The following MYLK variants were observed in gnomAD, a reference collection of about 807,000 sequenced individuals.
MYLK encodes myosin light chain kinase, smooth muscle.
Under a neutral mutation model 203.4 loss-of-function variants are expected in MYLK, and 106 were observed. The ratio of observed to expected loss-of-function variants is 0.52; its 90% CI spans 0.45 to 0.61. The LOEUF is 0.61. Among genes scored for constraint, MYLK ranks in the 20% least tolerant of loss-of-function variants. The pLI, the probability that MYLK is intolerant of heterozygous loss-of-function variation, is 0.00. For missense variants in MYLK, 2,072 were observed against 2,442.3 expected, an observed-to-expected ratio of 0.85 and a Z score of 3.20; for synonymous variants, 867 against 959.5, an observed-to-expected ratio of 0.90 and a Z score of 1.78.
chr3:123,880,761 G>A (rs556518271), intron 1 of MYLK, among the ~76,000 whole-genome samples: 1 of 152,302 alleles, frequency 6.6e-6, no homozygotes, highest in African/African-American at 2.4e-5. Flanking sequence ...AAAAGAAGGT[G>A]GTGGGAGCAT....
Position 123,707,954 on chromosome 3 carries a change from C to T in MYLK, c.2190G>A (p.Val730=), listed in dbSNP as rs768928026. The T allele has an allele frequency of 6.2e-7, 1 of 1,614,132 alleles. No individual in the cohort carries two copies. The highest frequency in any genetic ancestry group is 8.5e-7 in the Non-Finnish European group (1 of 1,180,036). Reference sequence around the variant, plus strand: ...GGACACTCTGGCCCAGGGAGGCTGTCACTGAGCGAGGCTTACTGATGAACC... The same window carrying T: ...GGACACTCTGGCCCAGGGAGGCTGTTACTGAGCGAGGCTTACTGATGAACC... ...QPWFISKPRS[V]TASLGQSVLI... is the part of the protein sequence containing the mutation. The change falls in exon 16 of 34, where the codon GTG becomes GTA. Residue 730 remains valine (V), a synonymous_variant. Transcript: ENST00000360304.
chr3:123,634,262 G>A (rs1207407324), intron 29 of MYLK, among the ~76,000 whole-genome samples: 1 of 152,188 alleles, frequency 6.6e-6, no homozygotes. Context: ...AGGGAACAGG[G>A]ATCCTAGGGC....
At chr3:123,621,885 T>C (rs975168419) in intron 31 of MYLK, 2 of 152,300 alleles carry the variant, frequency 1.3e-5, no homozygotes, top group African/African-American at 4.8e-5. Context: ...GGGAAGATGG[T>C]GAGAGATGAA....
At chr3:123,774,207 T>G (rs977347891) in intron 4 of MYLK, among the ~76,000 whole-genome samples, 1 of 152,224 alleles carries the variant, frequency 6.6e-6, no homozygotes, top group African/African-American at 2.4e-5. Flanking sequence ...TTAAGTAATA[T>G]TCTCTTAACT....
chr3:123,709,503 A>G, intron 14 of MYLK: 1 of 502,254 alleles, frequency 2.0e-6, no homozygotes, highest in South Asian at 2.0e-5. Flanking sequence ...TATATTTTCA[A>G]ATTAATCTTT....
intron 18 of MYLK, among the ~76,000 whole-genome samples, chr3:123,698,297 G>T (rs2061017592): frequency 6.6e-6 from 1 of 152,218 alleles, no homozygotes; most frequent in Non-Finnish European, 1.5e-5. Flanking sequence ...TATTAAGAAT[G>T]ATGCGAACTG....
chr3:123,796,341 T>TAG, intron 3 of MYLK, among the ~76,000 whole-genome samples: 1 of 152,126 alleles, frequency 6.6e-6, no homozygotes, highest in East Asian at 1.9e-4. Flanking sequence ...GAACAGGCAT[T>TAG]TGAACCCAAG....
chr3:123,812,004 C>T (rs963241611), intron 3 of MYLK, among the ~76,000 whole-genome samples: 1 of 152,154 alleles, frequency 6.6e-6, no homozygotes, highest in African/African-American at 2.4e-5. Flanking sequence ...CATTAACGCT[C>T]AATATAAAGA....
intron 5 of MYLK, among the ~76,000 whole-genome samples, chr3:123,751,206 C>A (rs921822743): frequency 6.6e-6 from 1 of 152,220 alleles, no homozygotes; most frequent in Non-Finnish European, 1.5e-5. Context: ...GAGGGGCTGA[C>A]AGACCCCATG....
intron 13 of MYLK, among the ~76,000 whole-genome samples, chr3:123,714,195 G>A (rs2061814796): frequency 6.6e-6 from 1 of 152,206 alleles, no homozygotes; most frequent in Admixed American, 6.5e-5. Context: ...AGTGGAGGGA[G>A]CTGAGACTCA....
At chr3:123,672,220 G>C (rs2059937048) in intron 20 of MYLK, among the ~76,000 whole-genome samples, 1 of 151,688 alleles carries the variant, frequency 6.6e-6, no homozygotes, top group South Asian at 2.1e-4. Flanking sequence ...GAGAGAGAGA[G>C]AGAGAGAGAG....
At chr3:123,699,875 T>C (rs2061109449) in intron 18 of MYLK, 145 bp downstream of exon 18, 7 of 1,073,016 alleles carry the variant, frequency 6.5e-6, no homozygotes, top group Non-Finnish European at 9.6e-6. Flanking sequence ...GCGGCCCTCC[T>C]ACCCAGCAGG....
intron 4 of MYLK, among the ~76,000 whole-genome samples, chr3:123,783,949 A>G (rs2064399668): frequency 6.6e-6 from 1 of 152,224 alleles, no homozygotes; most frequent in Non-Finnish European, 1.5e-5. Context: ...CATTTATAGC[A>G]TAATCACTAA....
intron 2 of MYLK, among the ~76,000 whole-genome samples, chr3:123,861,627 A>G (rs1329301165): frequency 1.3e-5 from 2 of 152,244 alleles, no homozygotes; most frequent in Non-Finnish European, 2.9e-5. Context: ...TACATCTGGC[A>G]TATACCACAT....
intron 4 of MYLK, among the ~76,000 whole-genome samples, chr3:123,787,222 G>C (rs1022694432): frequency 1.3e-5 from 2 of 152,176 alleles, no homozygotes; most frequent in African/African-American, 4.8e-5. Context: ...TAGCCTGAAG[G>C]AGGTAGAATT....
At chr3:123,696,173 G>A (rs1022632969) in intron 18 of MYLK, among the ~76,000 whole-genome samples, 19 of 152,166 alleles carry the variant, frequency 1.2e-4, no homozygotes, top group African/African-American at 4.6e-4. Flanking sequence ...TGGGCTATGA[G>A]CCCTATCTAA....
intron 2 of MYLK, among the ~76,000 whole-genome samples, chr3:123,833,942 A>C (rs2148630480): frequency 6.6e-6 from 1 of 152,322 alleles, no homozygotes; most frequent in South Asian, 2.1e-4. Context: ...AGAGGACTGA[A>C]CAACACTGGA....
intron 7 of MYLK, among the ~76,000 whole-genome samples, chr3:123,737,788 G>A (rs564945920): frequency 1.3e-5 from 2 of 152,322 alleles, no homozygotes; most frequent in South Asian, 4.1e-4. Context: ...CTGTTTCAAA[G>A]GAGCCTGAGT....
At position 123,733,783 on chromosome 3, in the gene MYLK, T is replaced by G; in HGVS notation, c.1213A>C (p.Met405Leu). ...VSKAANRRIP[M>L]EGQRDSAFPK... ...AATGCTGAATCCCTCTGGCCCTCCA[T>G]GGGGATTCTCCTGTTAGCAGCCTTG... Residue 405 changes from methionine to leucine, a missense_variant, in exon 10 of 34, where the codon ATG (methionine) becomes CTG (leucine). Met to Leu is a conservative substitution (Grantham distance 15, BLOSUM62 2). Coordinates refer to ENST00000360304, the MANE Select transcript of MYLK (RefSeq NM_053025.4). The G allele has an allele frequency of 6.2e-7, 1 of 1,614,228 alleles. No individual in the cohort carries two copies. The highest frequency in any genetic ancestry group is 8.5e-7 in the Non-Finnish European group (1 of 1,180,036).
Sources: gnomAD v4.1 joint callset for allele counts (sites outside exome capture counted in the v4.1 genomes callset) on GRCh38, gnomAD v4.1.1 for gene constraint, MANE v1.5 for transcripts, NCBI Gene and HGNC (gene_info 2026-07-23, HGNC 2026-07-21) for gene names.